NIM1K: variants seen among roughly 807,000 people sequenced by gnomAD.
The protein encoded by NIM1K is NIM1 serine/threonine protein kinase, also known as serine/threonine-protein kinase NIM1.
A neutral mutation model predicts 37.1 loss-of-function variants in NIM1K; 35 were observed. The ratio of observed to expected loss-of-function variants is 0.94; its 90% confidence interval spans 0.72 to 1.25. The LOEUF (loss-of-function observed/expected upper bound fraction) is 1.25. NIM1K is among the 50% of genes most tolerant of loss of function. The pLI, the probability that NIM1K is intolerant of heterozygous loss-of-function variation, is 0.00. For missense variants in NIM1K, 564 were observed against 548.0 expected, an observed-to-expected ratio of 1.03 and a Z score of -0.29; for synonymous variants, 234 against 206.6, an observed-to-expected ratio of 1.13 and a Z score of -1.14.
intron 1 of NIM1K, among the ~76,000 whole-genome samples, chr5:43,223,753 G>A (rs1176422242): frequency 6.6e-6 from 1 of 152,154 alleles, no homozygotes; most frequent in Non-Finnish European, 1.5e-5. Context: ...GCCCCTAGAT[G>A]GATAATTCAG....
At chr5:43,200,362 G>A (rs1330450386) in intron 1 of NIM1K, among the ~76,000 whole-genome samples, 2 of 152,024 alleles carry the variant, frequency 1.3e-5, no homozygotes, top group African/African-American at 4.8e-5. Flanking sequence ...GTGCAGTGAC[G>A]CGATCTCGGC....
chr5:43,198,147 C>A (rs1464294573), intron 1 of NIM1K, among the ~76,000 whole-genome samples: 132 of 46,070 alleles, frequency 2.9e-3, no homozygotes, highest in African/African-American at 9.1e-3. Flanking sequence ...TTCTTTCTTT[C>A]TTTCTTTCTT....
In NIM1K at chr5:43,245,165, G is replaced by A. The variant is rs1752757065; in HGVS notation, c.-611G>A. The A allele has an allele frequency of 6.6e-6, 1 of 152,200 alleles. No homozygotes were observed. Among genetic ancestry groups the A allele is most frequent in the South Asian group, 2.1e-4 (1 of 4,830 alleles). 9.4% of individuals were successfully genotyped at this position (152,200 alleles called of 1,614,324 possible). A position where few individuals can be genotyped will look rare whatever the true frequency, so the allele number is the denominator to read the frequency against. Reference sequence around the variant, plus strand: ...AAGGCCGGCTAAAGTGACATTGCAGGGATTAAATCCTTCTTTGGCTGCCTG... The same window carrying A: ...AAGGCCGGCTAAAGTGACATTGCAGAGATTAAATCCTTCTTTGGCTGCCTG... On this transcript the variant is annotated 5_prime_UTR_variant, in exon 2 of 4. Transcript: ENST00000326035.
chr5:43,198,265 TTCTTTCTC>T (rs752955665), intron 1 of NIM1K, among the ~76,000 whole-genome samples: 3 of 148,886 alleles, frequency 2.0e-5, no homozygotes, highest in South Asian at 2.2e-4. Flanking sequence ...TTTCCTTTCT[TTCTTTCTC>T]TCTTTCTCTC....
chr5:43,199,667 G>C (rs1195834279), intron 1 of NIM1K, among the ~76,000 whole-genome samples: 1 of 152,150 alleles, frequency 6.6e-6, no homozygotes, highest in Admixed American at 6.5e-5. Flanking sequence ...CCAAAACTGT[G>C]TCTCAGAGCT....
intron 1 of NIM1K, among the ~76,000 whole-genome samples, chr5:43,228,337 A>G (rs940709358): frequency 9.2e-5 from 14 of 151,942 alleles, no homozygotes; most frequent in African/African-American, 3.4e-4. Context: ...TAGTAGAGAC[A>G]GGGTTTCACC....
chr5:43,207,340 G>T, intron 1 of NIM1K: 2 of 773,344 alleles, frequency 2.6e-6, no homozygotes, highest in Non-Finnish European at 4.8e-6. Context: ...TGGTCACTAT[G>T]GTAGAGCTTG....
At chr5:43,199,436 C>T (rs188826689) in intron 1 of NIM1K, among the ~76,000 whole-genome samples, 47 of 151,922 alleles carry the variant, frequency 3.1e-4, no homozygotes, top group Middle Eastern at 6.8e-3. Flanking sequence ...CAATTAAGAG[C>T]TTTGTTTTAG....
At chr5:43,218,730 T>G (rs1752341285) in intron 1 of NIM1K, among the ~76,000 whole-genome samples, 1 of 151,266 alleles carries the variant, frequency 6.6e-6, no homozygotes, top group Admixed American at 6.6e-5. Context: ...TTTTCTTTTT[T>G]TTTTTTTTGT....
chr5:43,234,008 C>A (rs948873264), intron 1 of NIM1K, among the ~76,000 whole-genome samples: 2 of 152,140 alleles, frequency 1.3e-5, no homozygotes, highest in African/African-American at 4.8e-5. Flanking sequence ...TGCAGAAACT[C>A]GGGTTTCTAT....
Position 43,280,824 on chromosome 5 carries a change from T to A in NIM1K, c.*95T>A. ...TGAGTGGAGACATTTTTGTAATTTT[T>A]AAATAAACTTAAATTTGAGATATGC... On this transcript the variant is annotated 3_prime_UTR_variant, in exon 4 of 4. Coordinates refer to ENST00000326035, the MANE Select transcript of NIM1K (RefSeq NM_153361.4). 1.7e-6 allele frequency: 2 copies of A among 1,182,642 alleles called. No homozygotes were observed. Among genetic ancestry groups the A allele is most frequent in the Non-Finnish European group, 2.3e-6 (2 of 860,948 alleles). 73.3% of individuals were successfully genotyped at this position (1,182,642 alleles called of 1,614,324 possible). A position where few individuals can be genotyped will look rare whatever the true frequency, so the allele number is the denominator to read the frequency against.
intron 1 of NIM1K, among the ~76,000 whole-genome samples, chr5:43,242,047 A>G (rs1024223550): frequency 2.0e-5 from 3 of 152,078 alleles, no homozygotes; most frequent in Non-Finnish European, 4.4e-5. Context: ...TGTAACAAAA[A>G]CACTTTATCT....
intron 1 of NIM1K, among the ~76,000 whole-genome samples, chr5:43,233,789 C>T (rs192385048): frequency 2.0e-5 from 3 of 152,282 alleles, no homozygotes; most frequent in East Asian, 3.9e-4. Flanking sequence ...TATGAGTGTT[C>T]CCGCACCGTT....
intron 2 of NIM1K, among the ~76,000 whole-genome samples, chr5:43,255,192 G>A (rs950751031): frequency 1.3e-5 from 2 of 152,182 alleles, no homozygotes; most frequent in African/African-American, 4.8e-5. Flanking sequence ...GGCAGGACAT[G>A]AGTGTAAGTG....
At chr5:43,222,192 G>T (rs1338810714) in intron 1 of NIM1K, among the ~76,000 whole-genome samples, 3 of 152,164 alleles carry the variant, frequency 2.0e-5, no homozygotes, top group Non-Finnish European at 4.4e-5. Context: ...GGGATTGTCA[G>T]CTCCCTTTGT....
intron 2 of NIM1K, among the ~76,000 whole-genome samples, chr5:43,259,798 C>T (rs1005502269): frequency 6.6e-6 from 1 of 151,978 alleles, no homozygotes; most frequent in African/African-American, 2.4e-5. Flanking sequence ...AATGAGGTCC[C>T]ATTTATTTAT....
chr5:43,248,692 C>T (rs1025304336), intron 2 of NIM1K, among the ~76,000 whole-genome samples: 22 of 152,030 alleles, frequency 1.4e-4, no homozygotes, highest in Middle Eastern at 3.4e-3. Context: ...CCACAGTCAG[C>T]AAGCTGGAGG....
chr5:43,278,745 G>A (rs1753393276), intron 3 of NIM1K, among the ~76,000 whole-genome samples: 1 of 152,202 alleles, frequency 6.6e-6, no homozygotes, highest in African/African-American at 2.4e-5. Context: ...TAGCAATGGG[G>A]CAAAAGAGGG....
rs757566092 is a variant in NIM1K at position 43,277,061 on chromosome 5, G to T, written c.297G>T (p.Lys99Asn). ...TTTTACTTTTTTTCCTTGCAGAAAA[G>T]GTGGCCATTAAGATCCTGGACAAGA... ...KLGIHSLTKE[K>N]VAIKILDKTK... Residue 99 changes from lysine (K) to asparagine (N), a missense_variant, in exon 3 of 4, where the codon AAG (lysine) becomes AAT (asparagine). Coordinates refer to ENST00000326035, the MANE Select transcript of NIM1K (RefSeq NM_153361.4). 10 of 1,612,512 alleles carry T rather than the reference G, an allele frequency of 6.2e-6. No individual in the cohort carries two copies. Among genetic ancestry groups the T allele is most frequent in the South Asian group, 3.3e-5 (3 of 90,778 alleles).
Sources: gnomAD v4.1 joint callset for allele counts (sites outside exome capture counted in the v4.1 genomes callset) on GRCh38, gnomAD v4.1.1 for gene constraint, MANE v1.5 for transcripts, NCBI Gene and HGNC (gene_info 2026-07-23, HGNC 2026-07-21) for gene names.